GLRA2: variants seen among roughly 807,000 people sequenced by gnomAD.
GLRA2 encodes the protein glycine receptor subunit alpha-2.
GLRA2 carries 11 observed loss-of-function variants against 31.6 expected under a neutral mutation model. The ratio of observed to expected loss-of-function variants is 0.35; its 90% CI spans 0.22 to 0.58. GLRA2 has a LOEUF of 0.58. Among genes scored for constraint, GLRA2 ranks in the 20% least tolerant of loss-of-function variants. GLRA2 has a pLI of 0.84. For synonymous variants in GLRA2, 132 were observed against 134.0 expected (o/e 0.99, Z 0.10); for missense variants, 212 against 351.8 (o/e 0.60, Z 3.18).
At chrX:14,638,219 T>G (rs1263609375) in intron 7 of GLRA2, among the ~76,000 whole-genome samples, 2 of 111,471 alleles carry the variant, frequency 1.8e-5, no homozygotes, top group Non-Finnish European at 3.8e-5. Context: ...CAAGGATTTT[T>G]GGGGAGGGTG....
intron 2 of GLRA2, among the ~76,000 whole-genome samples, chrX:14,566,154 A>G (rs1234977750): frequency 8.9e-6 from 1 of 112,207 alleles, no homozygotes; most frequent in Non-Finnish European, 1.9e-5. Context: ...AGAAATAAAA[A>G]GAACTTTAAG....
At chrX:14,718,863 A>C (rs1272951388) in intron 8 of GLRA2, among the ~76,000 whole-genome samples, 1 of 111,969 alleles carries the variant, frequency 8.9e-6, no homozygotes, top group African/African-American at 3.2e-5. Context: ...ATACAGTGTC[A>C]TCTTCACTGC....
intron 8 of GLRA2, among the ~76,000 whole-genome samples, chrX:14,709,294 T>C (rs1035750494): frequency 8.9e-6 from 1 of 111,739 alleles, no homozygotes; most frequent in Non-Finnish European, 1.9e-5. Flanking sequence ...CTGTGTTACA[T>C]ACCTTCATGC....
At chrX:14,614,350 C>A (rs999517704) in intron 7 of GLRA2, among the ~76,000 whole-genome samples, 1 of 111,412 alleles carries the variant, frequency 9.0e-6, no homozygotes, top group African/African-American at 3.3e-5. Flanking sequence ...CATACTACAC[C>A]ATTTCCAGAT....
intron 4 of GLRA2, among the ~76,000 whole-genome samples, chrX:14,600,964 T>C (rs1381341319): frequency 9.3e-6 from 1 of 107,980 alleles, no homozygotes; most frequent in East Asian, 2.9e-4. Context: ...TCCTTTTGAA[T>C]TTTTTTCACC....
the GLRA2 span, among the ~76,000 whole-genome samples, chrX:14,480,420 A>G: frequency 1.3e-3 from 142 of 111,637 alleles, no homozygotes; most frequent in Middle Eastern, 4.6e-3. Flanking sequence ...TTGAGGACTT[A>G]CTCATAAATT....
the GLRA2 span, among the ~76,000 whole-genome samples, chrX:14,520,303 A>G: frequency 4.4e-5 from 5 of 112,704 alleles, no homozygotes; most frequent in East Asian, 1.4e-3. Context: ...TGCTACTGCA[A>G]CAATCAATCT....
At chrX:14,715,703 T>C (rs1433423768) in intron 8 of GLRA2, among the ~76,000 whole-genome samples, 2 of 111,537 alleles carry the variant, frequency 1.8e-5, no homozygotes, top group African/African-American at 6.5e-5. Flanking sequence ...GTGAGGATTA[T>C]TCTATATAAA....
intron 7 of GLRA2, among the ~76,000 whole-genome samples, chrX:14,631,509 T>C (rs2090646776): frequency 9.0e-6 from 1 of 111,020 alleles, no homozygotes; most frequent in African/African-American, 3.3e-5. Context: ...TGGATATACA[T>C]ATAATTGAAA....
intron 8 of GLRA2, among the ~76,000 whole-genome samples, chrX:14,706,750 A>G: frequency 8.9e-6 from 1 of 112,341 alleles, no homozygotes; most frequent in South Asian, 3.7e-4. Context: ...GATCCATGAT[A>G]GAGTGAGGAG....
intron 7 of GLRA2, among the ~76,000 whole-genome samples, chrX:14,631,014 T>A (rs1323976094): frequency 9.1e-6 from 1 of 110,314 alleles, no homozygotes; most frequent in Non-Finnish European, 1.9e-5. Context: ...TTCATGAGGG[T>A]GGAGTCCTCA....
the GLRA2 span, among the ~76,000 whole-genome samples, chrX:14,518,570 A>G: frequency 1.8e-5 from 2 of 112,108 alleles, no homozygotes; most frequent in African/African-American, 6.5e-5. Context: ...GTACAATTAC[A>G]TAATATTGAC....
intron 7 of GLRA2, among the ~76,000 whole-genome samples, chrX:14,628,493 G>A (rs1376815704): frequency 9.0e-6 from 1 of 111,658 alleles, no homozygotes; most frequent in Non-Finnish European, 1.9e-5. Flanking sequence ...ACATCCCACT[G>A]TAGAGACAAA....
In GLRA2 at chrX:14,609,137, G is replaced by T. The variant is rs2090371373; in HGVS notation, c.862G>T (p.Ala288Ser). ...TATGGATGCAGCCCCTGCCAGGGTC[G>T]CACTGGGCATCACCACAGTCTTAAC... ...INMDAAPARVALGITTVLTMT... is the reference protein window; with the variant it reads ...INMDAAPARVSLGITTVLTMT... The change falls in exon 7 of 9, where the codon GCA (alanine) becomes TCA (serine). Residue 288 changes from alanine (A) to serine (S), a missense_variant. By Grantham distance (99) the Ala-to-Ser change is moderately conservative (BLOSUM62 1). Transcript: ENST00000218075. 2.5e-6 allele frequency: 3 copies of T among 1,199,944 alleles called. No individual in the cohort carries two copies. Among genetic ancestry groups the T allele is most frequent in the Admixed American group, 2.2e-5 (1 of 45,493 alleles).
chrX:14,525,181 C>T (rs1211865419), upstream of GLRA2, among the ~76,000 whole-genome samples: 1 of 110,291 alleles, frequency 9.1e-6, no homozygotes, highest in Non-Finnish European at 1.9e-5. Context: ...TGATATAGAC[C>T]AAATATTGTG....
intron 1 of GLRA2, 88 bp downstream of exon 1, chrX:14,530,213 ATAT>A: frequency 1.1e-5 from 6 of 559,319 alleles, no homozygotes; most frequent in South Asian, 2.8e-5. Context: ...GCTCTGGACT[ATAT>A]TATTTTAATT....
chrX:14,640,682 G>A (rs1401237116), intron 7 of GLRA2, among the ~76,000 whole-genome samples: 1 of 110,917 alleles, frequency 9.0e-6, no homozygotes, highest in Admixed American at 9.7e-5. Flanking sequence ...TTTCATAACT[G>A]GCTTCTTTCA....
At chrX:14,658,992 C>T (rs1329766832) in intron 7 of GLRA2, among the ~76,000 whole-genome samples, 1 of 111,412 alleles carries the variant, frequency 9.0e-6, no homozygotes. Context: ...AAATAAAAGC[C>T]CCTGAGTTTA....
chrX:14,691,064 T>C, intron 8 of GLRA2, among the ~76,000 whole-genome samples: 1 of 111,955 alleles, frequency 8.9e-6, no homozygotes, highest in Non-Finnish European at 1.9e-5. Context: ...ATACATATCA[T>C]GGAGTTAAAC....
Sources: gnomAD v4.1 joint callset for allele counts (sites outside exome capture counted in the v4.1 genomes callset) on GRCh38, gnomAD v4.1.1 for gene constraint, MANE v1.5 for transcripts, NCBI Gene and HGNC (gene_info 2026-07-23, HGNC 2026-07-21) for gene names.